The following GABPB1 variants were observed in gnomAD, a reference collection of about 807,000 sequenced individuals.
GABPB1 encodes GA binding protein transcription factor subunit beta 1.
Under a neutral mutation model 45.9 loss-of-function variants are expected in GABPB1, and 15 were observed. The ratio of observed to expected loss-of-function variants is 0.33; its 90% confidence interval spans 0.22 to 0.50. The LOEUF is 0.50. Ranked by LOEUF, GABPB1 falls within the 20% of genes least tolerant of loss-of-function variation. The pLI, the probability that GABPB1 is intolerant of heterozygous loss-of-function variation, is 0.98. For missense variants in GABPB1, 252 were observed against 457.5 expected (o/e 0.55, Z 4.10); for synonymous variants, 143 against 154.4 (o/e 0.93, Z 0.55).
chr15:50,306,454 A>C (rs1194788714), intron 2 of GABPB1, among the ~76,000 whole-genome samples: 1 of 151,944 alleles, frequency 6.6e-6, no homozygotes, highest in Non-Finnish European at 1.5e-5. Context: ...ACATGGTGAA[A>C]CCTCATCTAC....
At chr15:50,334,676 T>A (rs2048059856) in intron 1 of GABPB1, among the ~76,000 whole-genome samples, 1 of 152,012 alleles carries the variant, frequency 6.6e-6, no homozygotes, top group Non-Finnish European at 1.5e-5. Flanking sequence ...CCCAGCTAAT[T>A]TTTTTGTATT....
rs539415288 is a variant in GABPB1 at position 50,278,809 on chromosome 15, T to C, written c.1000-25A>G. 30 of 1,567,640 alleles carry C rather than the reference T, an allele frequency of 1.9e-5. No homozygotes were observed. The East Asian group carries it at 6.7e-4, about 35-fold the overall frequency. On this transcript the variant is annotated intron_variant, in intron 8 of 8. Coordinates refer to ENST00000380877, the MANE Select transcript of GABPB1 (RefSeq NM_016654.5). ...CCTAATTAAAAGAAGAGGGTTTTTT[T>C]TTTAATTTTTGCAAAAATACATTAT...
chr15:50,352,409 A>T (rs2048874959), intron 1 of GABPB1: 1 of 149,552 alleles, frequency 6.7e-6, no homozygotes, highest in Non-Finnish European at 1.5e-5. Context: ...ATCTTGGCTT[A>T]TTGCAACCTT....
chr15:50,302,949 C>T lies in GABPB1; in HGVS notation c.451G>A (p.Asp151Asn). Residue 151 changes from aspartate to asparagine, a missense_variant, in exon 4 of 9, where the codon GAT (aspartate) becomes AAT (asparagine). Transcript: ENST00000380877. ...GTTACCTGTAATATCTCTGCTAAAT[C>T]TTCATTTCCATTGTCTATTGAAATA... ...FDISIDNGNE[D>N]LAEILQIAMQ... 1 of 1,612,214 alleles carries T rather than the reference C, an allele frequency of 6.2e-7. No individual in the cohort carries two copies. Among genetic ancestry groups the T allele is most frequent in the East Asian group, 2.2e-5 (1 of 44,830 alleles).
chr15:50,348,043 G>GAAGAAAA (rs1555517542), intron 1 of GABPB1, among the ~76,000 whole-genome samples: 2 of 113,720 alleles, frequency 1.8e-5, no homozygotes, highest in African/African-American at 8.3e-5. Flanking sequence ...ACTCCATCTG[G>GAAGAAAA]AAAAAAAAAA....
chr15:50,290,438 A>G (rs1343596569), intron 6 of GABPB1, among the ~76,000 whole-genome samples: 1 of 152,096 alleles, frequency 6.6e-6, no homozygotes. Flanking sequence ...TAAAAATACA[A>G]AAATTAGCTG....
Position 50,286,710 on chromosome 15 carries a change from C to CG in GABPB1, c.884-528_884-527insC, listed in dbSNP as rs2046168957. On this transcript the variant is annotated intron_variant, in intron 7 of 8. Coordinates refer to ENST00000380877, the MANE Select transcript of GABPB1 (RefSeq NM_016654.5). ...TGTTTATTTAGCTGCATAATATCCA[C>CG]TAAGTGCATATTCCATTATGAGCAC... Among the ~76,000 whole-genome samples, 3 of 152,248 alleles carry CG rather than the reference C, an allele frequency of 2.0e-5. No homozygotes were observed. In the South Asian group the frequency reaches 6.2e-4, roughly 32 times the overall value.
chr15:50,285,064 T>C (rs1026844064), intron 8 of GABPB1, among the ~76,000 whole-genome samples: 2 of 152,174 alleles, frequency 1.3e-5, no homozygotes, highest in Non-Finnish European at 2.9e-5. Flanking sequence ...TATTTTCTCA[T>C]TGTCTTTAGT....
intron 1 of GABPB1, among the ~76,000 whole-genome samples, chr15:50,341,328 T>C (rs1020976585): frequency 4.0e-5 from 6 of 151,604 alleles, no homozygotes; most frequent in African/African-American, 1.5e-4. Context: ...GAGGTCGGAG[T>C]TCGAGACGAG....
chr15:50,328,862 T>C (rs1009416922), intron 1 of GABPB1, among the ~76,000 whole-genome samples: 13 of 152,224 alleles, frequency 8.5e-5, no homozygotes, highest in Non-Finnish European at 1.8e-4. Context: ...AAATATAAAA[T>C]GGTGCCCACT....
chr15:50,353,669 T>C (rs2048950564), intron 1 of GABPB1: 1 of 152,114 alleles, frequency 6.6e-6, no homozygotes, highest in Admixed American at 6.6e-5. Flanking sequence ...TCAAAGCTGA[T>C]GGTTATACGT....
At chr15:50,313,400 A>C (rs541139149) in intron 1 of GABPB1, among the ~76,000 whole-genome samples, 40 of 152,332 alleles carry the variant, frequency 2.6e-4, no homozygotes, top group African/African-American at 9.4e-4. Flanking sequence ...TAGTAATATA[A>C]GTGGATCAGC....
rs2046716430 is a variant in GABPB1, at chr15:50,300,901, A to G, written c.585T>C (p.Asp195=). 1 of 1,563,694 alleles carries G rather than the reference A, an allele frequency of 6.4e-7. No individual in the cohort carries two copies. The highest frequency in any genetic ancestry group is 8.8e-7 in the Non-Finnish European group (1 of 1,135,662). ...ACTGAACAGCAGATACACCCGTTTC[A>G]TCTGTAAGAAAAAAGAAAATAGATT... The part of the protein sequence containing the change: ...IGPGGVVNLT[D]ETGVSAVQFG... Residue 195 remains aspartate, a splice_region_variant and synonymous_variant, in exon 6 of 9, where the codon GAT becomes GAC. Transcript: ENST00000380877.
At chr15:50,314,179 A>G in intron 1 of GABPB1, among the ~76,000 whole-genome samples, 2 of 110,846 alleles carry the variant, frequency 1.8e-5, no homozygotes, top group Non-Finnish European at 4.4e-5. Context: ...AGATTTATTT[A>G]TTTATTTATT....
chr15:50,350,360 C>T (rs1209770713), intron 1 of GABPB1: 3 of 146,098 alleles, frequency 2.1e-5, no homozygotes, highest in Admixed American at 7.1e-5. Flanking sequence ...AACAATACTG[C>T]ATCTAGTATG....
intron 1 of GABPB1, chr15:50,348,996 C>T (rs190590852): frequency 2.0e-5 from 3 of 151,984 alleles, no homozygotes; most frequent in Non-Finnish European, 4.4e-5. Context: ...CTATAAAATA[C>T]CATGAAAAGA....
chr15:50,331,552 C>T (rs1311129046), intron 1 of GABPB1, among the ~76,000 whole-genome samples: 4 of 152,112 alleles, frequency 2.6e-5, no homozygotes, highest in African/African-American at 4.8e-5. Context: ...CACATAGAAC[C>T]TTATAGGCAC....
In GABPB1 at chr15:50,277,754, C is replaced by G. The variant is rs1465956123; in HGVS notation, c.*878G>C. ...CCTTAAAGTGCTTTCATGTGGAAATCATGATGGAAGGCACAGAATACAGTT... is the reference window on the plus strand; with the variant it reads ...CCTTAAAGTGCTTTCATGTGGAAATGATGATGGAAGGCACAGAATACAGTT... On this transcript the variant is annotated 3_prime_UTR_variant, in exon 9 of 9. Transcript: ENST00000380877. 1 of 152,524 alleles carries G rather than the reference C, an allele frequency of 6.6e-6. No homozygotes were observed. Among genetic ancestry groups the G allele is most frequent in the East Asian group, 1.9e-4 (1 of 5,196 alleles). 9.4% of individuals were successfully genotyped at this position (152,524 alleles called of 1,614,324 possible).
Position 50,303,597 on chromosome 15 carries a change from A to T in GABPB1, c.276+369T>A, listed in dbSNP as rs566923365. Among the ~76,000 whole-genome samples the T allele has an allele frequency of 5.3e-5, 8 of 151,312 alleles. No individual in the cohort carries two copies. In the East Asian group the frequency reaches 1.6e-3, roughly 29 times the overall value. ...CTCGGGAGGCTGAGGCAGGAGAATC[A>T]CTTGAACCCAGGAGGTGGAGGTTGC... On this transcript the variant is annotated intron_variant, in intron 3 of 8. Coordinates refer to ENST00000380877, the MANE Select transcript of GABPB1 (RefSeq NM_016654.5).
Sources: allele counts gnomAD v4.1 joint callset (sites outside exome capture counted in the v4.1 genomes callset), GRCh38; gene constraint gnomAD v4.1.1; transcripts MANE v1.5; gene names NCBI Gene and HGNC (gene_info 2026-07-23, HGNC 2026-07-21).